DOCK1: variants seen among roughly 807,000 people sequenced by gnomAD.
DOCK1 encodes dedicator of cytokinesis 1.
Under a neutral mutation model 262.7 loss-of-function variants are expected in DOCK1, and 138 were observed. The ratio of observed to expected loss-of-function variants is 0.53; its 90% CI spans 0.46 to 0.61. DOCK1 has a LOEUF of 0.61. Among genes scored for constraint, DOCK1 ranks in the 20% least tolerant of loss-of-function variants. The probability of loss-of-function intolerance (pLI) is 0.00; values close to 1 mark genes in which losing one functional copy is unlikely to be tolerated. For missense variants in DOCK1, 1,908 were observed against 2,370.7 expected (o/e 0.80, Z 4.05); for synonymous variants, 866 against 867.4 (o/e 1.00, Z 0.03).
chr10:127,175,162 TGTG>T lies in DOCK1; in HGVS notation c.2847+47402_2847+47404del. The T allele has an allele frequency of 2.0e-6, 3 of 1,484,312 alleles. No individual in the cohort carries two copies. Among genetic ancestry groups the T allele is most frequent in the Non-Finnish European group, 2.8e-6 (3 of 1,080,294 alleles). 91.9% of individuals were successfully genotyped at this position (1,484,312 alleles called of 1,614,324 possible). ...TGGGTTTGGGGCTACAGATGGACTC[TGTG>T]GTGATCAGCCTGCATAGCTTCCTAA... is the stretch of plus-strand genomic sequence containing the variant. On this transcript the variant is annotated intron_variant, in intron 27 of 51. Transcript: ENST00000623213. The surrounding 1 kb of genome is among the most constrained non-coding windows in gnomAD (Gnocchi z 6.3).
chr10:126,994,770 T>G (rs1339766922), intron 6 of DOCK1, among the ~76,000 whole-genome samples: 2 of 152,124 alleles, frequency 1.3e-5, no homozygotes, highest in East Asian at 3.9e-4. Context: ...TCCCCACATT[T>G]CCCCCTTTTC....
At chr10:127,053,482 G>T (rs977421360) in intron 22 of DOCK1, among the ~76,000 whole-genome samples, 1 of 152,158 alleles carries the variant, frequency 6.6e-6, no homozygotes. Flanking sequence ...TTCCTACATA[G>T]GGTATTTCCG....
intron 10 of DOCK1, among the ~76,000 whole-genome samples, chr10:127,002,970 C>CT (rs1245400259): frequency 6.6e-6 from 1 of 152,266 alleles, no homozygotes; most frequent in Non-Finnish European, 1.5e-5. Context: ...CTGCTCTGCT[C>CT]TGACTGGCAC....
intron 27 of DOCK1, chr10:127,128,053 C>T (rs2133106123): frequency 4.8e-6 from 1 of 207,258 alleles, no homozygotes; most frequent in African/African-American, 2.3e-5. Flanking sequence ...ATAGTGTTTA[C>T]ACTTAAGGTG....
intron 27 of DOCK1, among the ~76,000 whole-genome samples, chr10:127,163,553 G>A (rs1028084795): frequency 2.6e-5 from 4 of 152,110 alleles, no homozygotes; most frequent in Non-Finnish European, 5.9e-5. Context: ...AATGAATGAG[G>A]AGTCTGTGTG....
intron 25 of DOCK1, among the ~76,000 whole-genome samples, chr10:127,114,332 A>G (rs1592080609): frequency 6.6e-6 from 1 of 152,308 alleles, no homozygotes; most frequent in East Asian, 1.9e-4. Flanking sequence ...ACACATGTGT[A>G]GTTGACTTGA....
intron 1 of DOCK1, among the ~76,000 whole-genome samples, chr10:126,906,285 G>C (rs1284244656): frequency 6.6e-6 from 1 of 152,196 alleles, no homozygotes; most frequent in Non-Finnish European, 1.5e-5. Context: ...TTACATTTCG[G>C]ACCCGAGTGC....
At chr10:127,170,978 C>G (rs2054521951) in intron 27 of DOCK1, among the ~76,000 whole-genome samples, 1 of 152,208 alleles carries the variant, frequency 6.6e-6, no homozygotes, top group Admixed American at 6.5e-5. Flanking sequence ...GCACATCTAA[C>G]CTACTTGCAG....
intron 29 of DOCK1, among the ~76,000 whole-genome samples, chr10:127,324,731 CCACA>C (rs1218251983): frequency 2.6e-5 from 4 of 152,142 alleles, no homozygotes; most frequent in Admixed American, 6.5e-5. Flanking sequence ...TCAAAGTCAG[CCACA>C]CACACAGACA....
chr10:127,435,420 T>C (rs2069619356), intron 48 of DOCK1, among the ~76,000 whole-genome samples: 1 of 152,192 alleles, frequency 6.6e-6, no homozygotes, highest in South Asian at 2.1e-4. Flanking sequence ...CGATGGAGAA[T>C]TGCAAACTAT....
intron 29 of DOCK1, among the ~76,000 whole-genome samples, chr10:127,305,929 G>A (rs1164869900): frequency 1.3e-5 from 2 of 152,030 alleles, no homozygotes; most frequent in Non-Finnish European, 2.9e-5. Flanking sequence ...CCAGCACTGT[G>A]GCATCTATGC....
intron 13 of DOCK1, among the ~76,000 whole-genome samples, chr10:127,020,045 G>A (rs986506514): frequency 6.6e-6 from 1 of 152,144 alleles, no homozygotes; most frequent in African/African-American, 2.4e-5. Context: ...GTGGGTCATT[G>A]AATAGTCGGT....
At chr10:127,207,061 A>C (rs1467288485) in intron 27 of DOCK1, among the ~76,000 whole-genome samples, 2 of 152,162 alleles carry the variant, frequency 1.3e-5, no homozygotes, top group Non-Finnish European at 2.9e-5. Flanking sequence ...CCTGCACTTC[A>C]CAGAGAATAG....
At chr10:127,333,909 T>TA (rs1415195286) in intron 29 of DOCK1, among the ~76,000 whole-genome samples, 6 of 152,106 alleles carry the variant, frequency 3.9e-5, no homozygotes, top group South Asian at 2.1e-4. Context: ...ATCTCAAAAA[T>TA]AAAAAAACAA....
At position 127,447,320 on chromosome 10, in the gene DOCK1, C is replaced by G. The variant is rs184492150; in HGVS notation, c.5414-74C>G. On this transcript the variant is annotated intron_variant, in intron 50 of 51. Transcript: ENST00000623213. ...CTGTGCCTGCCTCTCTGGGAGGGAA[C>G]GTGGAGCAGCTCCCTGAGCATTCAG... 1,943 of 1,552,584 alleles carry G rather than the reference C, an allele frequency of 1.3e-3. 3 individuals carry two copies. Among genetic ancestry groups the G allele is most frequent in the Non-Finnish European group, 1.6e-3 (1,834 of 1,147,950 alleles).
chr10:127,394,801 C>T (rs888592714), intron 38 of DOCK1, among the ~76,000 whole-genome samples: 8 of 152,148 alleles, frequency 5.3e-5, no homozygotes, highest in Non-Finnish European at 7.3e-5. Flanking sequence ...CGTCCTGCGC[C>T]GTGAAATACC....
At chr10:127,041,003 A>G (rs577446817) in intron 19 of DOCK1, among the ~76,000 whole-genome samples, 1 of 152,284 alleles carries the variant, frequency 6.6e-6, no homozygotes, top group Admixed American at 6.5e-5. Flanking sequence ...ATTGAATCAT[A>G]CGCCCTGTGG....
At chr10:127,405,125 A>G (rs561930990) in intron 40 of DOCK1, among the ~76,000 whole-genome samples, 1 of 152,334 alleles carries the variant, frequency 6.6e-6, no homozygotes, top group East Asian at 1.9e-4. Flanking sequence ...TCCCCGCCCA[A>G]TGTGCTGCTA....
At chr10:127,226,559 A>G (rs774515944) in intron 27 of DOCK1, among the ~76,000 whole-genome samples, 23 of 152,148 alleles carry the variant, frequency 1.5e-4, no homozygotes, top group Non-Finnish European at 2.6e-4. Flanking sequence ...CCTGGCCAAA[A>G]TGGTGAAACC....
Sources: allele counts gnomAD v4.1 joint callset (sites outside exome capture counted in the v4.1 genomes callset), GRCh38; gene constraint gnomAD v4.1.1; non-coding constraint Gnocchi (gnomAD v3.1); transcripts MANE v1.5; gene names NCBI Gene and HGNC (gene_info 2026-07-23, HGNC 2026-07-21).